PDS5B: variants seen among roughly 807,000 people sequenced by gnomAD.
The protein encoded by PDS5B is sister chromatid cohesion protein PDS5 homolog B.
Under a neutral mutation model 184.1 loss-of-function variants are expected in PDS5B, and 51 were observed. The observed-to-expected ratio is 0.28, with a 90% confidence interval of 0.22 to 0.35. The LOEUF (loss-of-function observed/expected upper bound fraction) is 0.35. Ranked by LOEUF, PDS5B falls within the 10% of genes least tolerant of loss-of-function variation. The pLI, the probability that PDS5B is intolerant of heterozygous loss-of-function variation, is 1.00. For missense variants in PDS5B, 1,180 were observed against 1,723.3 expected (o/e 0.68, Z 5.58); for synonymous variants, 566 against 569.2 (o/e 0.99, Z 0.08).
intron 1 of PDS5B, among the ~76,000 whole-genome samples, chr13:32,644,482 T>C (rs893107682): frequency 6.6e-6 from 1 of 152,222 alleles, no homozygotes; most frequent in Non-Finnish European, 1.5e-5. Context: ...TGTAAACATA[T>C]CATCTGTGAA....
At chr13:32,619,540 C>T (rs547304077) in intron 1 of PDS5B, among the ~76,000 whole-genome samples, 12 of 152,130 alleles carry the variant, frequency 7.9e-5, no homozygotes, top group East Asian at 7.7e-4. Context: ...GAGTGGTGAG[C>T]GAATGTGAAG....
intron 19 of PDS5B, among the ~76,000 whole-genome samples, chr13:32,716,306 C>T (rs1366512933): frequency 3.3e-5 from 5 of 151,580 alleles, no homozygotes; most frequent in African/African-American, 7.3e-5. Flanking sequence ...AGCGCCTCTG[C>T]CCTGCCGCCC....
chr13:32,641,594 C>T (rs1327245713), intron 1 of PDS5B, among the ~76,000 whole-genome samples: 1 of 151,948 alleles, frequency 6.6e-6, no homozygotes, highest in Non-Finnish European at 1.5e-5. Context: ...ATTTTTGTAA[C>T]AATTACTCTC....
intron 19 of PDS5B, among the ~76,000 whole-genome samples, chr13:32,724,149 G>T (rs1018787244): frequency 1.3e-5 from 2 of 152,090 alleles, no homozygotes; most frequent in Admixed American, 1.3e-4. Flanking sequence ...CAGGGTCTTG[G>T]TCTGTTGCCC....
intron 1 of PDS5B, among the ~76,000 whole-genome samples, chr13:32,638,065 G>T (rs146019264): frequency 5.9e-5 from 9 of 152,212 alleles, no homozygotes; most frequent in South Asian, 4.2e-4. Flanking sequence ...ATTTGGTTAG[G>T]GCTGGCTTGT....
chr13:32,731,024 C>T (rs7317153), intron 19 of PDS5B, among the ~76,000 whole-genome samples: 58,886 of 151,962 alleles, frequency 0.39, 11,916 homozygotes, highest in Non-Finnish European at 0.45. Context: ...TGTCTTGTGC[C>T]GGTTTTCAAA....
intron 11 of PDS5B, 51 bp downstream of exon 11, chr13:32,684,074 G>A (rs754452726): frequency 1.1e-6 from 1 of 927,398 alleles, no homozygotes; most frequent in Non-Finnish European, 1.6e-6. Context: ...AATACTTGAA[G>A]TTTAACAATA....
intron 2 of PDS5B, among the ~76,000 whole-genome samples, chr13:32,650,987 C>G (rs1593337326): frequency 1.3e-5 from 2 of 152,234 alleles, no homozygotes; most frequent in South Asian, 4.1e-4. Context: ...AATGTCAGTT[C>G]CTGTCAAGTT....
At chr13:32,606,499 A>G (rs1429121364) in intron 1 of PDS5B, among the ~76,000 whole-genome samples, 11 of 151,766 alleles carry the variant, frequency 7.2e-5, no homozygotes, top group Admixed American at 5.2e-4. Flanking sequence ...TGCCCTTAAC[A>G]TTTTTTCCTT....
At chr13:32,733,696 T>C (rs550060905) in intron 20 of PDS5B, among the ~76,000 whole-genome samples, 77 of 152,258 alleles carry the variant, frequency 5.1e-4, no homozygotes, top group Non-Finnish European at 8.7e-4. Flanking sequence ...AAATGTCTAA[T>C]AGAAAATAAA....
At chr13:32,677,482 C>T (rs2140780806) in intron 9 of PDS5B, among the ~76,000 whole-genome samples, 1 of 151,704 alleles carries the variant, frequency 6.6e-6, no homozygotes, top group South Asian at 2.1e-4. Flanking sequence ...TAAATAATAC[C>T]AACTTTAAGG....
intron 7 of PDS5B, among the ~76,000 whole-genome samples, chr13:32,671,426 T>C (rs982810355): frequency 1.3e-5 from 2 of 152,198 alleles, no homozygotes; most frequent in Non-Finnish European, 2.9e-5. Context: ...TTAAGGAATA[T>C]ACTATTTATT....
chr13:32,663,517 A>G (rs1950706468), intron 6 of PDS5B, among the ~76,000 whole-genome samples: 1 of 152,168 alleles, frequency 6.6e-6, no homozygotes, highest in Non-Finnish European at 1.5e-5. Flanking sequence ...ATAGATATAG[A>G]AAAAGATGGA....
At chr13:32,758,386 C>T in intron 27 of PDS5B, 148 bp from the exon 28 acceptor site, 1 of 926,140 alleles carries the variant, frequency 1.1e-6, no homozygotes, top group Non-Finnish European at 1.6e-6. Flanking sequence ...ATGAGCAAAA[C>T]CAGTAGTGTA....
chr13:32,766,444 T>A (rs530392520), intron 31 of PDS5B, among the ~76,000 whole-genome samples: 1 of 152,322 alleles, frequency 6.6e-6, no homozygotes, highest in Admixed American at 6.5e-5. Context: ...CTATTTGTTG[T>A]GGCATGGATA....
intron 12 of PDS5B, among the ~76,000 whole-genome samples, chr13:32,687,936 T>C (rs1405980667): frequency 6.6e-6 from 1 of 152,186 alleles, no homozygotes; most frequent in Admixed American, 6.5e-5. Flanking sequence ...AACTGGATTA[T>C]CTATGAAACT....
At chr13:32,639,597 G>A (rs546824405) in intron 1 of PDS5B, among the ~76,000 whole-genome samples, 2 of 152,218 alleles carry the variant, frequency 1.3e-5, no homozygotes, top group East Asian at 1.9e-4. Context: ...GTTTTTTCTC[G>A]TAGGAAAAAC....
intron 12 of PDS5B, 85 bp downstream of exon 12, chr13:32,687,370 G>T: frequency 9.9e-7 from 1 of 1,011,026 alleles, no homozygotes; most frequent in Non-Finnish European, 1.4e-6. Flanking sequence ...TTTTCTTTAT[G>T]ACCTTACACT....
intron 7 of PDS5B, among the ~76,000 whole-genome samples, chr13:32,669,141 C>G (rs1950870381): frequency 6.6e-6 from 1 of 152,016 alleles, no homozygotes; most frequent in Non-Finnish European, 1.5e-5. Flanking sequence ...GTGTGTAGAC[C>G]TAGACTTAAA....
Sources: gnomAD v4.1 joint callset for allele counts (sites outside exome capture counted in the v4.1 genomes callset) on GRCh38, gnomAD v4.1.1 for gene constraint, MANE v1.5 for transcripts, NCBI Gene and HGNC (gene_info 2026-07-23, HGNC 2026-07-21) for gene names.